PADI6: variants seen among roughly 807,000 people sequenced by gnomAD.
PADI6 encodes the protein inactive protein-arginine deiminase type-6.
In PADI6, 66 loss-of-function variants were observed where a neutral mutation model predicts 78.2. The ratio of observed to expected loss-of-function variants is 0.84; its 90% CI spans 0.69 to 1.04. PADI6 has a LOEUF of 1.04. Ranked by LOEUF, PADI6 falls within the 50% of genes least tolerant of loss-of-function variation. The probability of loss-of-function intolerance (pLI) is 0.00; values close to 1 mark genes in which losing one functional copy is unlikely to be tolerated. For synonymous variants in PADI6, 397 were observed against 346.9 expected, an observed-to-expected ratio of 1.14 and a Z score of -1.60; for missense variants, 854 against 866.1, an observed-to-expected ratio of 0.99 and a Z score of 0.18.
intron 10 of PADI6, 107 bp downstream of exon 10, chr1:17,394,189 GA>G (rs1402749839): frequency 1.3e-6 from 2 of 1,499,420 alleles, no homozygotes; most frequent in Non-Finnish European, 1.8e-6. Flanking sequence ...GGTGGCCTCT[GA>G]GGGGGGAGGG....
At chr1:17,390,192 CAG>C (rs2075168343) in intron 8 of PADI6, among the ~76,000 whole-genome samples, 1 of 151,498 alleles carries the variant, frequency 6.6e-6, no homozygotes, top group African/African-American at 2.4e-5. Context: ...CCCAGCTACT[CAG>C]TGAAGCTGAG....
rs1387794716 is a variant in PADI6, at chr1:17,394,396, G to A, written c.1279G>A (p.Val427Ile). The change falls in exon 11 of 16, where the codon GTC becomes ATC. Residue 427 changes from valine (V) to isoleucine (I), a missense_variant. By Grantham distance (29) the Val-to-Ile change is conservative. Transcript: ENST00000619609. Reference protein sequence around the residue: ...GNLMVSPPVKVQGKEYPLGRV... With the variant: ...GNLMVSPPVKIQGKEYPLGRV... Reference sequence around the variant, plus strand: ...CCTGATGGTGTCCCCACCTGTCAAGGTCCAAGGGAAAGAGTACCCGCTGGG... The same window carrying A: ...CCTGATGGTGTCCCCACCTGTCAAGATCCAAGGGAAAGAGTACCCGCTGGG... The A allele has an allele frequency of 2.3e-5, 37 of 1,613,686 alleles. No individual in the cohort carries two copies. Among genetic ancestry groups the A allele is most frequent in the Non-Finnish European group, 3.0e-5 (35 of 1,179,856 alleles).
intron 3 of PADI6, among the ~76,000 whole-genome samples, chr1:17,377,159 A>C: frequency 6.6e-6 from 1 of 150,738 alleles, no homozygotes; most frequent in South Asian, 2.1e-4. Context: ...TTTTTATTTT[A>C]TTTTTTCCCC....
At chr1:17,391,827 G>A (rs1391102239) in intron 8 of PADI6, among the ~76,000 whole-genome samples, 3 of 152,212 alleles carry the variant, frequency 2.0e-5, no homozygotes, top group Non-Finnish European at 4.4e-5. Flanking sequence ...TGCAGAATGT[G>A]ACCGAAGGGT....
chr1:17,398,978 C>CT, intron 15 of PADI6, 131 bp downstream of exon 15: 3 of 1,016,756 alleles, frequency 3.0e-6, no homozygotes, highest in Non-Finnish European at 4.2e-6. Context: ...GGGAGGGAGA[C>CT]CCCTTCTCCC....
intron 8 of PADI6, 60 bp from the exon 9 acceptor site, chr1:17,392,054 G>A (rs1206738825): frequency 1.7e-5 from 24 of 1,389,796 alleles, no homozygotes; most frequent in Non-Finnish European, 2.2e-5. Context: ...GCACAAGGAG[G>A]TCATAACCAG....
At chr1:17,390,882 G>C (rs2075175370) in intron 8 of PADI6, among the ~76,000 whole-genome samples, 1 of 152,154 alleles carries the variant, frequency 6.6e-6, no homozygotes. Flanking sequence ...TCCATACAGT[G>C]TGATATTCAG....
chr1:17,387,253 G>A (rs1435414298), intron 6 of PADI6, among the ~76,000 whole-genome samples: 1 of 152,006 alleles, frequency 6.6e-6, no homozygotes, highest in Non-Finnish European at 1.5e-5. Context: ...AGACTGGCCT[G>A]GGCAATGTGG....
chr1:17,372,951 TA>T, intron 1 of PADI6, 104 bp from the exon 2 acceptor site: 2 of 1,224,928 alleles, frequency 1.6e-6, no homozygotes, highest in Non-Finnish European at 2.3e-6. Flanking sequence ...CTCAACACCC[TA>T]AGGAGAATGA....
Position 17,392,306 on chromosome 1 carries a change from C to T in PADI6, c.1074+81C>T, listed in dbSNP as rs567581297. 3.6e-4 allele frequency: 388 copies of T among 1,072,948 alleles called. 1 individual carries two copies. The African/African-American group carries it at 5.4e-3, about 15-fold the overall frequency. 66.5% of individuals were successfully genotyped at this position (1,072,948 alleles called of 1,614,324 possible). A position where few individuals can be genotyped will look rare whatever the true frequency, so the allele number is the denominator to read the frequency against. Reference sequence around the variant, plus strand: ...TGCCACCTAAGAGGAACTTCACAGGCTTCTGGTTAACCTTAAAGACCGAAG... The same window carrying T: ...TGCCACCTAAGAGGAACTTCACAGGTTTCTGGTTAACCTTAAAGACCGAAG... On this transcript the variant is annotated intron_variant, in intron 9 of 15. Coordinates refer to ENST00000619609, the MANE Select transcript of PADI6 (RefSeq NM_207421.4).
chr1:17,397,378 G>A (rs1423530978), intron 14 of PADI6, among the ~76,000 whole-genome samples: 4 of 152,174 alleles, frequency 2.6e-5, no homozygotes, highest in South Asian at 2.1e-4. Context: ...AACACAGCAC[G>A]ATGTACCTTT....
intron 2 of PADI6, 105 bp from the exon 3 acceptor site, chr1:17,375,322 C>G (rs1231790402): frequency 9.4e-7 from 1 of 1,069,498 alleles, no homozygotes; most frequent in Admixed American, 2.1e-5. Context: ...GAAGCCATAA[C>G]ACAAGACCAA....
Position 17,397,092 on chromosome 1 carries a change from A to AC in PADI6, c.1642dup (p.Gln548ProfsTer5). The stretch of plus-strand genomic sequence containing the variant: ...ACAGGAAGGGAAGCCAAAACCATCG[A>AC]CCAACTTCTGGCTGATGAAAGCCTG... On this transcript the variant is annotated frameshift_variant, in exon 14 of 16. Coordinates refer to ENST00000619609, the MANE Select transcript of PADI6 (RefSeq NM_207421.4). LOFTEE classifies it high-confidence loss of function. 6.2e-7 allele frequency: 1 copy of AC among 1,613,884 alleles called. No individual in the cohort carries two copies.
rs1557608379 is a variant in PADI6 at position 17,395,106 on chromosome 1, A to T, written c.1493A>T (p.Lys498Met). The T allele has an allele frequency of 6.8e-6, 11 of 1,613,628 alleles. No homozygotes were observed. Among genetic ancestry groups the T allele is most frequent in the Non-Finnish European group, 8.5e-6 (10 of 1,179,674 alleles). Reference sequence around the variant, plus strand: ...ACAGATGACAAGAATGAGGGCAAAAAGGTCTGCTTTGGGGTCTGGAGAAGG... The same window carrying T: ...ACAGATGACAAGAATGAGGGCAAAATGGTCTGCTTTGGGGTCTGGAGAAGG... ...IPTDDKNEGK[K>M]GFLLLLASPS... Residue 498 changes from lysine to methionine, a missense_variant and splice_region_variant, in exon 12 of 16, where the codon AAG becomes ATG. Lys to Met is a moderately conservative substitution (Grantham distance 95). Coordinates refer to ENST00000619609, the MANE Select transcript of PADI6 (RefSeq NM_207421.4).
chr1:17,389,613 C>T (rs1040820566), intron 8 of PADI6, among the ~76,000 whole-genome samples: 6 of 152,210 alleles, frequency 3.9e-5, no homozygotes, highest in South Asian at 2.1e-4. Context: ...GGGCCACGTC[C>T]GGCTTCAGGG....
At position 17,378,764 on chromosome 1, in the gene PADI6, CG is replaced by C. The variant is rs1367618485; in HGVS notation, c.368-1153del. 2.0e-5 allele frequency among the ~76,000 whole-genome samples: 3 copies of C among 152,004 alleles called. No homozygotes were observed. In the East Asian group the frequency reaches 5.8e-4, roughly 29 times the overall value. ...GAACTACAAGCACCTGCCACCACAC[CG>C]GGCTAATTTTTGTATTTTTCATAGA... On this transcript the variant is annotated intron_variant, in intron 3 of 15. Coordinates refer to ENST00000619609, the MANE Select transcript of PADI6 (RefSeq NM_207421.4).
rs373763933 is a variant in PADI6, at chr1:17,373,128, G to A, written c.189G>A (p.Thr63=). 62 of 1,613,886 alleles carry A rather than the reference G, an allele frequency of 3.8e-5. No homozygotes were observed. The highest frequency in any genetic ancestry group is 2.1e-4 in the South Asian group (19 of 91,088). Residue 63 remains threonine (T), a synonymous_variant, in exon 2 of 16, where the codon ACG becomes ACA. Transcript: ENST00000619609. ...GGGTCTTGATCGATGTGGCCAACAC[G>A]GTGATTTCTGAGAAGGAGGACGCCA... ...SGRVLIDVAN[T]VISEKEDATI... is the part of the protein sequence containing the mutation.
In PADI6 at chr1:17,395,034, A is replaced by G; in HGVS notation, c.1421A>G (p.Asp474Gly). ...CAAGCGCCGGTGGAGCTCTACTCAG[A>G]TTGGCTAATGACTGGCCACGTGGAT... ...QVQAPVELYS[D>G]WLMTGHVDEF... is the part of the protein sequence containing the mutation. The change falls in exon 12 of 16, where the codon GAT becomes GGT. Residue 474 changes from aspartate to glycine, a missense_variant. Physicochemically the swap from Asp to Gly is moderately conservative, Grantham distance 94. Transcript: ENST00000619609. 6.2e-7 allele frequency: 1 copy of G among 1,613,844 alleles called. No homozygotes were observed. Among genetic ancestry groups the G allele is most frequent in the Non-Finnish European group, 8.5e-7 (1 of 1,179,898 alleles).
chr1:17,400,587 G>A (rs565197389), intron 15 of PADI6, among the ~76,000 whole-genome samples: 2 of 152,322 alleles, frequency 1.3e-5, no homozygotes, highest in African/African-American at 2.4e-5. Context: ...GAGTGGGGCT[G>A]TGAGTACAAG....
Sources: allele counts gnomAD v4.1 joint callset (sites outside exome capture counted in the v4.1 genomes callset), GRCh38; gene constraint gnomAD v4.1.1; transcripts MANE v1.5; gene names NCBI Gene and HGNC (gene_info 2026-07-23, HGNC 2026-07-21).